VIPR2: variants seen among roughly 807,000 people sequenced by gnomAD.
VIPR2 encodes the protein vasoactive intestinal polypeptide receptor 2.
VIPR2 carries 48 observed loss-of-function variants against 58.0 expected under a neutral mutation model. The ratio of observed to expected loss-of-function variants is 0.83; its 90% confidence interval spans 0.66 to 1.05. The LOEUF is 1.05. Ranked by LOEUF, VIPR2 falls within the 50% of genes least tolerant of loss-of-function variation. VIPR2 has a pLI of 0.00. For missense variants in VIPR2, 534 were observed against 558.0 expected (o/e 0.96, Z 0.43); for synonymous variants, 243 against 235.2 (o/e 1.03, Z -0.30).
chr7:159,091,493 C>A (rs985410842), intron 4 of VIPR2, among the ~76,000 whole-genome samples: 3 of 152,220 alleles, frequency 2.0e-5, no homozygotes. Context: ...ATTTTTATAA[C>A]GGAAGGGATG....
rs1857621077 is a variant in VIPR2, at chr7:159,093,520, C to G, written c.357+10237G>C. The stretch of plus-strand genomic sequence containing the variant: ...TTTTTAAAAATAGTCTTATTTCTCA[C>G]AAAAATAACCACTTCCCTGGGCTGA... On this transcript the variant is annotated intron_variant, in intron 4 of 12. Coordinates refer to ENST00000262178, the MANE Select transcript of VIPR2 (RefSeq NM_003382.5). The surrounding 1 kb of genome is among the most constrained non-coding windows in gnomAD (Gnocchi z 6.7). Among the ~76,000 whole-genome samples, 4 of 152,190 alleles carry G rather than the reference C, an allele frequency of 2.6e-5. No homozygotes were observed. The highest frequency in any genetic ancestry group is 5.9e-5 in the Non-Finnish European group (4 of 68,026).
chr7:159,061,214 C>G (rs1231922958), intron 4 of VIPR2, among the ~76,000 whole-genome samples: 3 of 151,964 alleles, frequency 2.0e-5, no homozygotes, highest in Non-Finnish European at 4.4e-5. Context: ...AACGGAGGGG[C>G]AAGGGTTGAA....
At chr7:159,124,041 A>T (rs1337789470) in intron 2 of VIPR2, among the ~76,000 whole-genome samples, 1 of 152,144 alleles carries the variant, frequency 6.6e-6, no homozygotes. Context: ...TAGATGCTGG[A>T]TATTAGACCT....
chr7:159,088,253 G>C (rs918507375), intron 4 of VIPR2, among the ~76,000 whole-genome samples: 1 of 152,214 alleles, frequency 6.6e-6, no homozygotes, highest in Admixed American at 6.5e-5. Flanking sequence ...CCACACACAT[G>C]CTGCAGCACA....
chr7:159,043,137 C>A lies in VIPR2; in HGVS notation c.495G>T (p.Leu165=). The change falls in exon 6 of 13, where the codon CTG becomes CTT. Residue 165 remains leucine, a synonymous_variant. Transcript: ENST00000262178. ...TGGCTCTCAGGATGAAGGACAGGAA[C>A]AGGTTCAGGTGGATGTAATTCCTGG... is the stretch of plus-strand genomic sequence containing the variant. ...HCTRNYIHLN[L]FLSFILRAIS... The A allele has an allele frequency of 3.7e-6, 6 of 1,612,840 alleles. No homozygotes were observed. Among genetic ancestry groups the A allele is most frequent in the Non-Finnish European group, 5.1e-6 (6 of 1,179,830 alleles).
At chr7:159,086,231 G>T (rs1857162195) in intron 4 of VIPR2, among the ~76,000 whole-genome samples, 1 of 152,202 alleles carries the variant, frequency 6.6e-6, no homozygotes, top group African/African-American at 2.4e-5. Flanking sequence ...GCCTGGGGTG[G>T]TTCCATCTTA....
In VIPR2 at chr7:159,030,558, G is replaced by C; in HGVS notation, c.*58C>G. On this transcript the variant is annotated 3_prime_UTR_variant, in exon 13 of 13. Transcript: ENST00000262178. ...CTGGAAGGAGGAAGCCGGCGTCTCA[G>C]CCCCGCAGAAGCCCCGAACCGTGGG... 1.4e-6 allele frequency: 2 copies of C among 1,471,760 alleles called. No homozygotes were observed. Among genetic ancestry groups the C allele is most frequent in the Non-Finnish European group, 1.8e-6 (2 of 1,107,574 alleles). 91.2% of individuals were successfully genotyped at this position (1,471,760 alleles called of 1,614,324 possible).
chr7:159,135,004 G>GTTTTTTGTTTTT (rs1416758329), intron 2 of VIPR2, among the ~76,000 whole-genome samples: 3 of 65,992 alleles, frequency 4.5e-5, no homozygotes, highest in Admixed American at 3.3e-4. Context: ...AATTACAAAA[G>GTTTTTTGTTTTT]TTTTTTTTTT....
rs59901396 is a variant in VIPR2, at chr7:159,087,180, C to T, written c.357+16577G>A. Reference sequence around the variant, plus strand: ...TTCCCAACAAACAATACCCAGGACTCGGATAGTGAGATATGGCTTCCCCAA... The same window carrying T: ...TTCCCAACAAACAATACCCAGGACTTGGATAGTGAGATATGGCTTCCCCAA... On this transcript the variant is annotated intron_variant, in intron 4 of 12. Coordinates refer to ENST00000262178, the MANE Select transcript of VIPR2 (RefSeq NM_003382.5). Among the ~76,000 whole-genome samples, 1,179 of 150,652 alleles carry T rather than the reference C, an allele frequency of 7.8e-3. 14 individuals are homozygous for T. The highest frequency in any genetic ancestry group is 0.028 in the African/African-American group (1,134 of 40,918).
rs370294230 is a variant in VIPR2 at position 159,123,288 on chromosome 7, TAAAAAAAAAAAAAA to T, written c.152-13383_152-13370del. ...AGCCTGGTGACAGAGCAAGACTCTG[TAAAAAAAAAAAAAA>T]AAAAAAAAAAAAAGAAAGAAAAAAA... On this transcript the variant is annotated intron_variant, in intron 2 of 12. Transcript: ENST00000262178. Among the ~76,000 whole-genome samples the T allele has an allele frequency of 8.2e-5, 6 of 72,870 alleles. No homozygotes were observed. In the Admixed American group the frequency reaches 1.1e-3, roughly 13 times the overall value. The allele number at this position is 72,870 out of a possible 152,430, so 47.8% of individuals were successfully genotyped here.
rs1008651957 is a variant in VIPR2 at position 159,144,804 on chromosome 7, C to T, written c.-33G>A. On this transcript the variant is annotated 5_prime_UTR_variant, in exon 1 of 13. Transcript: ENST00000262178. ...TCAGCGTGCCGGGGGCCGCCCAGCGCCCGCCGCCTCCGTCCTAGGTCCCCG... is the reference window on the plus strand; with the variant it reads ...TCAGCGTGCCGGGGGCCGCCCAGCGTCCGCCGCCTCCGTCCTAGGTCCCCG... 1.3e-4 allele frequency: 167 copies of T among 1,241,984 alleles called. No homozygotes were observed. Among genetic ancestry groups the T allele is most frequent in the Admixed American group, 8.5e-4 (20 of 23,652 alleles). The allele number at this position is 1,241,984 out of a possible 1,614,324, so 76.9% of individuals were successfully genotyped here. A position where few individuals can be genotyped will look rare whatever the true frequency, so the allele number is the denominator to read the frequency against.
Position 159,097,412 on chromosome 7 carries a change from G to A in VIPR2, c.357+6345C>T, listed in dbSNP as rs748914149. ...CCAGTATGTAACACAGAAGACTTAC[G>A]GGAGCCGGCCCCCTCGCGTGCCCAC... On this transcript the variant is annotated intron_variant, in intron 4 of 12. Transcript: ENST00000262178. This position sits in a 1 kb window ranked among gnomAD's most constrained non-coding sequence, Gnocchi z 5.3. Among the ~76,000 whole-genome samples, 3 of 152,148 alleles carry A rather than the reference G, an allele frequency of 2.0e-5. No individual in the cohort carries two copies. The highest frequency in any genetic ancestry group is 4.8e-5 in the African/African-American group (2 of 41,444).
chr7:159,086,186 C>T (rs1203484740), intron 4 of VIPR2, among the ~76,000 whole-genome samples: 2 of 152,176 alleles, frequency 1.3e-5, no homozygotes, highest in Non-Finnish European at 2.9e-5. Flanking sequence ...CTTGAAAAAT[C>T]AGGAGCTGCT....
intron 4 of VIPR2, among the ~76,000 whole-genome samples, chr7:159,061,674 GA>G (rs1204434983): frequency 6.6e-6 from 1 of 151,576 alleles, no homozygotes; most frequent in African/African-American, 2.4e-5. Context: ...TTAAAAAAAA[GA>G]AAAAAAGTGA....
At chr7:159,144,599 C>T (rs994931747) in intron 1 of VIPR2, 122 bp downstream of exon 1, 17 of 1,390,226 alleles carry the variant, frequency 1.2e-5, no homozygotes, top group Non-Finnish European at 1.4e-5. Context: ...GCTCCCTCTC[C>T]CGGACCCCGC....
intron 5 of VIPR2, among the ~76,000 whole-genome samples, chr7:159,057,836 G>C (rs974583256): frequency 5.3e-5 from 8 of 152,096 alleles, no homozygotes; most frequent in African/African-American, 1.9e-4. Context: ...TAGTTACCAA[G>C]AGACCCACTA....
chr7:159,068,165 C>T (rs1430403516), intron 4 of VIPR2, among the ~76,000 whole-genome samples: 1 of 152,198 alleles, frequency 6.6e-6, no homozygotes, highest in African/African-American at 2.4e-5. Context: ...ACTAACCCTG[C>T]CCCAACAGTG....
rs1741870615 is a variant in VIPR2 at position 159,064,048 on chromosome 7, A to G, written c.358-5470T>C. Among the ~76,000 whole-genome samples the G allele has an allele frequency of 4.6e-5, 7 of 152,032 alleles. 1 individual carries two copies. The highest frequency in any genetic ancestry group is 4.6e-4 in the Admixed American group (7 of 15,298). On this transcript the variant is annotated intron_variant, in intron 4 of 12. Transcript: ENST00000262178. ...CGTCCCCTGAGACTTCCTCAGGCTC[A>G]GGCAGCACTGAGGCCTGGGGCGTTC...
At chr7:159,063,655 G>A (rs1220378712) in intron 4 of VIPR2, among the ~76,000 whole-genome samples, 1 of 150,566 alleles carries the variant, frequency 6.6e-6, no homozygotes, top group Non-Finnish European at 1.5e-5. Flanking sequence ...CCAAGAGCGA[G>A]CGAGGGCTGC....
Sources: gnomAD v4.1 joint callset for allele counts (sites outside exome capture counted in the v4.1 genomes callset) on GRCh38, gnomAD v4.1.1 for gene constraint, Gnocchi (gnomAD v3.1) non-coding constraint, MANE v1.5 for transcripts, NCBI Gene and HGNC (gene_info 2026-07-23, HGNC 2026-07-21) for gene names.